Variants in NOX4 observed in about 807,000 individuals in gnomAD.
NOX4 encodes the protein kidney oxidase-1.
Under a neutral mutation model 87.6 loss-of-function variants are expected in NOX4, and 69 were observed. The ratio of observed to expected loss-of-function variants is 0.79; its 90% CI spans 0.65 to 0.96. The LOEUF is 0.96. Among genes scored for constraint, NOX4 ranks in the 40% least tolerant of loss-of-function variants. The pLI is 0.00. For synonymous variants in NOX4, 275 were observed against 238.2 expected, an observed-to-expected ratio of 1.15 and a Z score of -1.42; for missense variants, 680 against 681.5, an observed-to-expected ratio of 1.00 and a Z score of 0.02.
intron 15 of NOX4, among the ~76,000 whole-genome samples, chr11:89,338,387 C>A (rs1417428302): frequency 2.0e-5 from 3 of 152,082 alleles, no homozygotes; most frequent in Non-Finnish European, 4.4e-5. Context: ...GTTCATTCAA[C>A]TATTGATGAA....
At chr11:89,580,523 A>T in the NOX4 span, among the ~76,000 whole-genome samples, 200 of 152,328 alleles carry the variant, frequency 1.3e-3, 1 homozygote, top group African/African-American at 4.5e-3. Flanking sequence ...CTAATTTAAT[A>T]AACTAAGAAT....
At chr11:89,399,977 C>G (rs1485605361) in intron 11 of NOX4, 40 bp downstream of exon 11, 1 of 1,473,358 alleles carries the variant, frequency 6.8e-7, no homozygotes, top group African/African-American at 1.4e-5. Context: ...ATATGCATAG[C>G]ACCCTACAAA....
At chr11:89,456,938 G>T (rs1313348540) in intron 2 of NOX4, among the ~76,000 whole-genome samples, 2 of 152,164 alleles carry the variant, frequency 1.3e-5, no homozygotes, top group Non-Finnish European at 2.9e-5. Flanking sequence ...AGTCCAAATT[G>T]CACATCCTCT....
chr11:89,378,615 T>A (rs554926828), intron 11 of NOX4, among the ~76,000 whole-genome samples: 1 of 151,996 alleles, frequency 6.6e-6, no homozygotes, highest in East Asian at 1.9e-4. Context: ...TATTATAATA[T>A]CAATGGAATA....
At chr11:89,525,384 T>G in the NOX4 span, among the ~76,000 whole-genome samples, 3 of 152,026 alleles carry the variant, frequency 2.0e-5, no homozygotes, top group Non-Finnish European at 4.4e-5. Context: ...CAATATTTGG[T>G]ATTATTATTT....
intron 12 of NOX4, among the ~76,000 whole-genome samples, chr11:89,367,459 C>T (rs539669993): frequency 1.6e-4 from 25 of 152,228 alleles, no homozygotes; most frequent in Middle Eastern, 6.8e-3. Context: ...TATGTACCAT[C>T]GCCAGACCTT....
intron 11 of NOX4, among the ~76,000 whole-genome samples, chr11:89,389,221 T>C (rs1940944914): frequency 6.6e-6 from 1 of 152,172 alleles, no homozygotes; most frequent in Non-Finnish European, 1.5e-5. Flanking sequence ...ATATCCTTCT[T>C]GTGTAGGGAA....
chr11:89,532,229 C>A, the NOX4 span, among the ~76,000 whole-genome samples: 1 of 152,286 alleles, frequency 6.6e-6, no homozygotes, highest in East Asian at 1.9e-4. Context: ...TTACACTGTG[C>A]ACCTGGAAAA....
intron 5 of NOX4, among the ~76,000 whole-genome samples, chr11:89,442,000 A>T (rs960145671): frequency 6.8e-6 from 1 of 148,070 alleles, no homozygotes; most frequent in Non-Finnish European, 1.5e-5. Context: ...CAATATATAA[A>T]ATATAATCTA....
chr11:89,492,420 C>T (rs989808250), upstream of NOX4, among the ~76,000 whole-genome samples: 19 of 152,282 alleles, frequency 1.2e-4, no homozygotes, highest in Non-Finnish European at 1.3e-4. Context: ...AATCTTACAA[C>T]ACAGGCCATA....
chr11:89,456,440 A>C (rs541057954), intron 2 of NOX4, among the ~76,000 whole-genome samples: 3 of 152,290 alleles, frequency 2.0e-5, no homozygotes, highest in Admixed American at 2.0e-4. Flanking sequence ...AGCCAGGAGG[A>C]ACATCTCACA....
chr11:89,539,176 G>T, the NOX4 span, among the ~76,000 whole-genome samples: 1 of 152,154 alleles, frequency 6.6e-6, no homozygotes, highest in South Asian at 2.1e-4. Flanking sequence ...GCTCACGCCT[G>T]TAATCCCAGC....
At chr11:89,451,282 T>C (rs1229810108) in intron 3 of NOX4, among the ~76,000 whole-genome samples, 1 of 152,166 alleles carries the variant, frequency 6.6e-6, no homozygotes, top group Non-Finnish European at 1.5e-5. Flanking sequence ...CAGAGATAAG[T>C]TGTTGCCAAC....
the NOX4 span, among the ~76,000 whole-genome samples, chr11:89,536,544 A>G: frequency 6.6e-6 from 1 of 152,156 alleles, no homozygotes; most frequent in African/African-American, 2.4e-5. Context: ...CCGCTGCAAG[A>G]ATTAAATTGA....
chr11:89,428,107 T>A (rs917062247), intron 7 of NOX4, among the ~76,000 whole-genome samples: 1 of 152,082 alleles, frequency 6.6e-6, no homozygotes, highest in African/African-American at 2.4e-5. Context: ...GAATTTCATA[T>A]CCAACCAAAC....
chr11:89,419,273 G>A (rs1201725421), intron 8 of NOX4, among the ~76,000 whole-genome samples: 1 of 152,022 alleles, frequency 6.6e-6, no homozygotes, highest in Admixed American at 6.6e-5. Context: ...ATAAATCCAA[G>A]AAATTTACTT....
At chr11:89,463,216 C>G (rs1222346457) in intron 2 of NOX4, among the ~76,000 whole-genome samples, 1 of 151,834 alleles carries the variant, frequency 6.6e-6, no homozygotes, top group African/African-American at 2.4e-5. Flanking sequence ...AATAGGAACA[C>G]TATTCTCTGG....
At chr11:89,414,555 C>T (rs1281055477) in intron 8 of NOX4, among the ~76,000 whole-genome samples, 1 of 149,498 alleles carries the variant, frequency 6.7e-6, no homozygotes, top group Non-Finnish European at 1.5e-5. Flanking sequence ...AAATCCTAGT[C>T]TTCTTCATTG....
the NOX4 span, among the ~76,000 whole-genome samples, chr11:89,584,508 TG>T: frequency 1.3e-5 from 2 of 152,202 alleles, no homozygotes; most frequent in African/African-American, 2.4e-5. Flanking sequence ...TAAATAAATT[TG>T]TGTGTGTAGC....
Sources: gnomAD v4.1 joint callset for allele counts (sites outside exome capture counted in the v4.1 genomes callset) on GRCh38, gnomAD v4.1.1 for gene constraint, MANE v1.5 for transcripts, NCBI Gene and HGNC (gene_info 2026-07-23, HGNC 2026-07-21) for gene names.